The following ZC3H12B variants were observed in gnomAD, a reference collection of about 807,000 sequenced individuals.
ZC3H12B encodes probable ribonuclease ZC3H12B.
ZC3H12B carries 7 observed loss-of-function variants against 43.9 expected under a neutral mutation model. The ratio of observed to expected loss-of-function variants is 0.16; its 90% confidence interval spans 0.09 to 0.30. ZC3H12B has a LOEUF of 0.30. Ranked by LOEUF, ZC3H12B falls within the 10% of genes least tolerant of loss-of-function variation. The probability of loss-of-function intolerance (pLI) is 1.00; values close to 1 mark genes in which losing one functional copy is unlikely to be tolerated. For synonymous variants in ZC3H12B, 222 were observed against 241.7 expected (o/e 0.92, Z 0.76); for missense variants, 475 against 670.2 (o/e 0.71, Z 3.22).
At chrX:65,378,916 G>A (rs1176913396) in intron 2 of ZC3H12B, among the ~76,000 whole-genome samples, 5 of 112,450 alleles carry the variant, frequency 4.4e-5, no homozygotes, top group Admixed American at 1.9e-4. Context: ...AAAAAATGGC[G>A]CACCAGGAGA....
chrX:65,276,048 A>C, the ZC3H12B span, among the ~76,000 whole-genome samples: 1 of 111,323 alleles, frequency 9.0e-6, no homozygotes, highest in African/African-American at 3.3e-5. Flanking sequence ...TGAATTAAGT[A>C]ACAAATACAG....
At chrX:65,135,922 C>T in the ZC3H12B span, among the ~76,000 whole-genome samples, 1 of 110,190 alleles carries the variant, frequency 9.1e-6, no homozygotes, top group Non-Finnish European at 1.9e-5. Flanking sequence ...TGCTGAAGTT[C>T]TCTATTTTCA....
At chrX:65,192,272 A>G in the ZC3H12B span, among the ~76,000 whole-genome samples, 3 of 111,596 alleles carry the variant, frequency 2.7e-5, no homozygotes, top group Non-Finnish European at 5.6e-5. Flanking sequence ...AAAAATGTAT[A>G]TTTTGTTGAT....
At chrX:65,065,620 T>G in the ZC3H12B span, among the ~76,000 whole-genome samples, 1 of 111,395 alleles carries the variant, frequency 9.0e-6, no homozygotes, top group Admixed American at 9.5e-5. Flanking sequence ...ATTATGTGTC[T>G]TGTGGTTTCT....
the ZC3H12B span, among the ~76,000 whole-genome samples, chrX:65,123,922 T>G: frequency 3.6e-5 from 4 of 110,364 alleles, no homozygotes; most frequent in African/African-American, 1.3e-4. Flanking sequence ...AGTGTATGAT[T>G]ATATCATCAG....
At chrX:65,093,256 C>A in the ZC3H12B span, among the ~76,000 whole-genome samples, 1 of 112,002 alleles carries the variant, frequency 8.9e-6, no homozygotes, top group East Asian at 2.8e-4. Context: ...AAGCCTGATG[C>A]AGGAACAAAG....
At chrX:65,192,915 A>G in the ZC3H12B span, among the ~76,000 whole-genome samples, 1 of 110,497 alleles carries the variant, frequency 9.1e-6, no homozygotes, top group East Asian at 2.8e-4. Flanking sequence ...TTGGGACTAC[A>G]GGTGCGTGCC....
chrX:65,383,270 A>G (rs988231377), intron 2 of ZC3H12B, among the ~76,000 whole-genome samples: 6 of 112,012 alleles, frequency 5.4e-5, no homozygotes, highest in Non-Finnish European at 1.1e-4. Context: ...GATCAATGGA[A>G]CAGAACAGAG....
At chrX:65,099,501 C>G in the ZC3H12B span, among the ~76,000 whole-genome samples, 1 of 111,612 alleles carries the variant, frequency 9.0e-6, no homozygotes, top group Non-Finnish European at 1.9e-5. Context: ...AGGCCAGTGC[C>G]ACTCTGGGAC....
At chrX:65,313,018 A>C in the ZC3H12B span, among the ~76,000 whole-genome samples, 1 of 111,382 alleles carries the variant, frequency 9.0e-6, no homozygotes, top group Admixed American at 9.6e-5. Flanking sequence ...AGTAGCTGGG[A>C]CTGCAGGCAG....
chrX:65,106,503 G>A, the ZC3H12B span, among the ~76,000 whole-genome samples: 3 of 111,661 alleles, frequency 2.7e-5, no homozygotes, highest in South Asian at 1.1e-3. Context: ...AAGGGAGATT[G>A]TGTAGGAGGT....
chrX:65,365,579 C>T (rs927766289), upstream of ZC3H12B, among the ~76,000 whole-genome samples: 1 of 110,994 alleles, frequency 9.0e-6, no homozygotes, highest in Admixed American at 9.6e-5. Flanking sequence ...ATTATCTCTC[C>T]ATACCATCCC....
At chrX:65,110,708 T>C in the ZC3H12B span, among the ~76,000 whole-genome samples, 1 of 111,841 alleles carries the variant, frequency 8.9e-6, no homozygotes, top group South Asian at 3.6e-4. Context: ...GTTTTAACTG[T>C]TTTAGTTTCT....
the ZC3H12B span, among the ~76,000 whole-genome samples, chrX:65,262,333 G>A: frequency 9.0e-6 from 1 of 110,713 alleles, no homozygotes; most frequent in African/African-American, 3.3e-5. Context: ...CCATCTGGAA[G>A]GAAGTCGATA....
At chrX:65,211,664 A>G in the ZC3H12B span, among the ~76,000 whole-genome samples, 3 of 90,215 alleles carry the variant, frequency 3.3e-5, no homozygotes, top group South Asian at 4.8e-4. Flanking sequence ...TATATACATA[A>G]TATATATTAT....
the ZC3H12B span, among the ~76,000 whole-genome samples, chrX:65,248,674 T>G: frequency 9.0e-6 from 1 of 111,690 alleles, no homozygotes; most frequent in Non-Finnish European, 1.9e-5. Flanking sequence ...CCATAGTGGT[T>G]TTACTAGTTT....
At chrX:65,107,901 A>G in the ZC3H12B span, among the ~76,000 whole-genome samples, 4 of 111,594 alleles carry the variant, frequency 3.6e-5, no homozygotes, top group African/African-American at 9.8e-5. Flanking sequence ...AGTCTATTAC[A>G]CAACTAGACT....
At chrX:65,482,572 G>T (rs922835535) in intron 3 of ZC3H12B, among the ~76,000 whole-genome samples, 1 of 111,996 alleles carries the variant, frequency 8.9e-6, no homozygotes, top group African/African-American at 3.2e-5. Context: ...TCTTTATATA[G>T]AGAGAAGAAA....
chrX:65,319,590 G>A, the ZC3H12B span, among the ~76,000 whole-genome samples: 6 of 111,236 alleles, frequency 5.4e-5, no homozygotes, highest in African/African-American at 1.6e-4. Flanking sequence ...GCATTATCCT[G>A]ATACCAAAAC....
Sources: gnomAD v4.1 joint callset for allele counts (sites outside exome capture counted in the v4.1 genomes callset) on GRCh38, gnomAD v4.1.1 for gene constraint, MANE v1.5 for transcripts, NCBI Gene and HGNC (gene_info 2026-07-23, HGNC 2026-07-21) for gene names.